The following PLGRKT variants were observed in gnomAD, a reference collection of about 807,000 sequenced individuals.
PLGRKT encodes plasminogen receptor with a C-terminal lysine.
A neutral mutation model predicts 18.5 loss-of-function variants in PLGRKT; 22 were observed. The ratio of observed to expected loss-of-function variants is 1.19; its 90% confidence interval spans 0.85 to 1.70. PLGRKT has a LOEUF of 1.70. PLGRKT is among the 40% of genes most tolerant of loss of function. PLGRKT has a pLI of 0.00. For missense variants in PLGRKT, 235 were observed against 174.4 expected (o/e 1.35, Z -1.96); for synonymous variants, 72 against 52.8 (o/e 1.36, Z -1.58).
At chr9:5,432,323 T>C (rs973887025) in intron 2 of PLGRKT, among the ~76,000 whole-genome samples, 2 of 152,200 alleles carry the variant, frequency 1.3e-5, no homozygotes, top group Non-Finnish European at 1.5e-5. Context: ...AACAACTCTC[T>C]TTTTTTGTGA....
chr9:5,403,645 A>G (rs1273164668), intron 3 of PLGRKT, among the ~76,000 whole-genome samples: 1 of 152,270 alleles, frequency 6.6e-6, no homozygotes, highest in African/African-American at 2.4e-5. Flanking sequence ...ATTAACCAGA[A>G]GTTTAAAATT....
At chr9:5,360,259 G>C (rs561767095) in intron 5 of PLGRKT, among the ~76,000 whole-genome samples, 2 of 152,296 alleles carry the variant, frequency 1.3e-5, no homozygotes, top group Non-Finnish European at 1.5e-5. Flanking sequence ...ACACTTTTAA[G>C]CTTAATCTGC....
intron 3 of PLGRKT, chr9:5,392,601 T>G (rs1358096768): frequency 6.6e-6 from 1 of 151,912 alleles, no homozygotes; most frequent in Non-Finnish European, 1.5e-5. Context: ...ATACTAGCTG[T>G]GTGACCTCAG....
intron 3 of PLGRKT, among the ~76,000 whole-genome samples, chr9:5,384,713 A>G (rs1817809164): frequency 6.6e-6 from 1 of 152,098 alleles, no homozygotes; most frequent in South Asian, 2.1e-4. Context: ...AAATTGGGTC[A>G]TAAGTTAGAA....
rs563449765 is a variant in PLGRKT at position 5,364,421 on chromosome 9, C to T, written c.82-2533G>A. Reference sequence around the variant, plus strand: ...ATGGAGTTAATCTGTATGGTACTATCGTGGTGGATACATGACATTCTGCAT... The same window carrying T: ...ATGGAGTTAATCTGTATGGTACTATTGTGGTGGATACATGACATTCTGCAT... On this transcript the variant is annotated intron_variant, in intron 3 of 5. Coordinates refer to ENST00000223864, the MANE Select transcript of PLGRKT (RefSeq NM_018465.4). Among the ~76,000 whole-genome samples, 80 of 152,236 alleles carry T rather than the reference C, an allele frequency of 5.3e-4. No homozygotes were observed. In the Middle Eastern group the frequency reaches 0.017, roughly 32 times the overall value.
At chr9:5,383,418 G>C (rs1025789006) in intron 3 of PLGRKT, among the ~76,000 whole-genome samples, 7 of 152,192 alleles carry the variant, frequency 4.6e-5, no homozygotes, top group South Asian at 2.1e-4. Flanking sequence ...TGGCACCAGG[G>C]ACCAGTTTCA....
At chr9:5,419,049 C>T (rs981343114) in intron 3 of PLGRKT, 11 of 399,884 alleles carry the variant, frequency 2.8e-5, no homozygotes, top group East Asian at 1.7e-4. Context: ...CGCCGCTCTG[C>T]GTCTTTCCAG....
intron 3 of PLGRKT, among the ~76,000 whole-genome samples, chr9:5,394,570 G>A (rs773354792): frequency 6.6e-6 from 1 of 151,718 alleles, no homozygotes; most frequent in Non-Finnish European, 1.5e-5. Context: ...CCACCACCAT[G>A]CCCGGCTAAT....
chr9:5,408,403 G>T (rs115793953), intron 3 of PLGRKT, among the ~76,000 whole-genome samples: 1 of 152,176 alleles, frequency 6.6e-6, no homozygotes, highest in Non-Finnish European at 1.5e-5. Flanking sequence ...CCCTGCCAAG[G>T]GATATGCGCA....
rs566111216 is a variant in PLGRKT at position 5,381,443 on chromosome 9, G to A, written c.82-19555C>T. 1.2e-3 allele frequency among the ~76,000 whole-genome samples: 182 copies of A among 152,354 alleles called. 1 individual carries two copies. Among genetic ancestry groups the A allele is most frequent in the African/African-American group, 4.0e-3 (165 of 41,584 alleles). ...AGGGTGCAAGCCCCAAACCTTGACA[G>A]CTTCCACGTGGTGTTGAGCCTGTGG... On this transcript the variant is annotated intron_variant, in intron 3 of 5. Coordinates refer to ENST00000223864, the MANE Select transcript of PLGRKT (RefSeq NM_018465.4).
intron 3 of PLGRKT, among the ~76,000 whole-genome samples, chr9:5,400,857 T>C (rs558883523): frequency 6.6e-6 from 1 of 152,026 alleles, no homozygotes; most frequent in South Asian, 2.1e-4. Flanking sequence ...TATTCAGCCA[T>C]ATGATGTAAT....
At chr9:5,409,529 A>G (rs1227768956) in intron 3 of PLGRKT, among the ~76,000 whole-genome samples, 1 of 151,532 alleles carries the variant, frequency 6.6e-6, no homozygotes, top group Non-Finnish European at 1.5e-5. Context: ...TACTTAATAA[A>G]CTCCCCTTTA....
intron 3 of PLGRKT, among the ~76,000 whole-genome samples, chr9:5,422,774 G>C (rs1340233117): frequency 6.6e-6 from 1 of 151,904 alleles, no homozygotes. Flanking sequence ...CCAACAAAAA[G>C]GGGCAAAAAG....
At chr9:5,433,570 C>A (rs2131181317) in intron 2 of PLGRKT, among the ~76,000 whole-genome samples, 1 of 145,864 alleles carries the variant, frequency 6.9e-6, no homozygotes, top group East Asian at 2.1e-4. Flanking sequence ...CTCTGCCCGG[C>A]TGCCCCGTCT....
chr9:5,388,213 G>A (rs564645186), intron 3 of PLGRKT, among the ~76,000 whole-genome samples: 1 of 151,964 alleles, frequency 6.6e-6, no homozygotes, highest in South Asian at 2.1e-4. Context: ...AGAAGAGGAG[G>A]CAAAGGAGAC....
chr9:5,396,042 C>T (rs909377614), intron 3 of PLGRKT, among the ~76,000 whole-genome samples: 2 of 150,200 alleles, frequency 1.3e-5, no homozygotes, highest in African/African-American at 2.5e-5. Flanking sequence ...TACAGGTGCC[C>T]GCCAACATGC....
chr9:5,364,489 G>C (rs935025499), intron 3 of PLGRKT, among the ~76,000 whole-genome samples: 6 of 152,150 alleles, frequency 3.9e-5, no homozygotes, highest in African/African-American at 9.7e-5. Flanking sequence ...GTGAACCTTA[G>C]TGCATACAAA....
chr9:5,358,507 T>C (rs1817188613), intron 5 of PLGRKT, 147 bp from the exon 6 acceptor site: 2 of 567,788 alleles, frequency 3.5e-6, no homozygotes, highest in African/African-American at 1.9e-5. Context: ...TCAGGAGAAG[T>C]AATATACTTC....
chr9:5,407,170 C>A (rs1204614455), intron 3 of PLGRKT, among the ~76,000 whole-genome samples: 2 of 152,104 alleles, frequency 1.3e-5, no homozygotes, highest in Non-Finnish European at 2.9e-5. Context: ...CAATGATTGA[C>A]AATCAAATGA....
Sources: allele counts gnomAD v4.1 joint callset (sites outside exome capture counted in the v4.1 genomes callset), GRCh38; gene constraint gnomAD v4.1.1; transcripts MANE v1.5; gene names NCBI Gene and HGNC (gene_info 2026-07-23, HGNC 2026-07-21).